Variants in TMC1 observed in about 807,000 individuals in gnomAD.
TMC1 encodes the protein transmembrane channel like 1.
Under a neutral mutation model 105.8 loss-of-function variants are expected in TMC1, and 84 were observed. That is an observed-to-expected ratio of 0.79 (90% confidence interval 0.67 to 0.95). The LOEUF (loss-of-function observed/expected upper bound fraction) is 0.95, where lower values mean the gene tolerates loss of function less well. Ranked by LOEUF, TMC1 falls within the 40% of genes least tolerant of loss-of-function variation. The pLI, the probability that TMC1 is intolerant of heterozygous loss-of-function variation, is 0.00. For missense variants in TMC1, 817 were observed against 914.1 expected, an observed-to-expected ratio of 0.89 and a Z score of 1.37; for synonymous variants, 315 against 311.5, an observed-to-expected ratio of 1.01 and a Z score of -0.12.
At chr9:72,770,271 C>A (rs1827903553) in intron 12 of TMC1, among the ~76,000 whole-genome samples, 1 of 149,762 alleles carries the variant, frequency 6.7e-6, no homozygotes. Flanking sequence ...TGTATACACA[C>A]ATACACACAT....
chr9:72,791,849 A>AC, intron 15 of TMC1, 37 bp from the exon 16 acceptor site: 1 of 1,574,682 alleles, frequency 6.4e-7, no homozygotes, highest in Non-Finnish European at 8.7e-7. Flanking sequence ...AACTTTAAAC[A>AC]CCATTAACCT....
intron 1 of TMC1, among the ~76,000 whole-genome samples, chr9:72,548,186 A>T (rs1339079180): frequency 6.6e-6 from 1 of 152,192 alleles, no homozygotes; most frequent in Non-Finnish European, 1.5e-5. Flanking sequence ...GATAAATTGG[A>T]ATTCTTCAAA....
chr9:72,609,061 C>T (rs1173452924), intron 2 of TMC1, among the ~76,000 whole-genome samples: 1 of 152,006 alleles, frequency 6.6e-6, no homozygotes, highest in African/African-American at 2.4e-5. Context: ...CCCTTACTCC[C>T]CTCCTCTTTT....
intron 9 of TMC1, among the ~76,000 whole-genome samples, chr9:72,740,887 G>A (rs1190456261): frequency 6.6e-6 from 1 of 151,814 alleles, no homozygotes. Flanking sequence ...GATTAATTTT[G>A]TCTGTTTCTA....
At chr9:72,700,428 ATGAGCTAAATATCT>A in intron 7 of TMC1, 76 bp from the exon 8 acceptor site, 1 of 1,136,828 alleles carries the variant, frequency 8.8e-7, no homozygotes, top group Non-Finnish European at 1.2e-6. Flanking sequence ...TTTAAAAAAA[ATGAGCTAAATATCT>A]GATACCTGCC....
intron 1 of TMC1, among the ~76,000 whole-genome samples, chr9:72,537,092 C>CA (rs1279701350): frequency 1.3e-5 from 2 of 152,186 alleles, no homozygotes; most frequent in African/African-American, 4.8e-5. Context: ...GTGGCTCAAA[C>CA]AGTACCTGGG....
rs374836637 is a variant in TMC1 at position 72,699,310 on chromosome 9, T to C, written c.237-1208T>C. ...GGAACTAAATTCCTTTGAAGATCTC[T>C]TCAAAGGATTCACTTCCACCAAATA... On this transcript the variant is annotated intron_variant, in intron 7 of 23. Coordinates refer to ENST00000297784, the MANE Select transcript of TMC1 (RefSeq NM_138691.3). 2.6e-5 allele frequency among the ~76,000 whole-genome samples: 4 copies of C among 152,310 alleles called. No homozygotes were observed. In the East Asian group the frequency reaches 7.7e-4, roughly 29 times the overall value.
intron 5 of TMC1, among the ~76,000 whole-genome samples, chr9:72,658,411 A>C (rs1411926887): frequency 6.6e-6 from 1 of 152,036 alleles, no homozygotes; most frequent in Non-Finnish European, 1.5e-5. Flanking sequence ...CATCTACAAA[A>C]TGGAGATAAT....
intron 2 of TMC1, among the ~76,000 whole-genome samples, chr9:72,613,251 C>T (rs545026434): frequency 1.1e-3 from 173 of 151,876 alleles, no homozygotes; most frequent in African/African-American, 4.1e-3. Context: ...CCTGCCTCAG[C>T]CTCCTGAGTA....
At chr9:72,826,848 C>A in intron 20 of TMC1, 21 bp from the exon 21 acceptor site, 1 of 1,613,290 alleles carries the variant, frequency 6.2e-7, no homozygotes, top group Non-Finnish European at 8.5e-7. Flanking sequence ...AAACTTATCT[C>A]CCCCTTTTTA....
In TMC1 at chr9:72,525,952, C is replaced by T. The variant is rs140237334; in HGVS notation, c.-428+4039C>T. On this transcript the variant is annotated intron_variant, in intron 1 of 23. Coordinates refer to ENST00000297784, the MANE Select transcript of TMC1 (RefSeq NM_138691.3). ...GCAGTGAGCCAAGGTCGTGCCACTG[C>T]ACTCCAGCCTGGATGACAGAGTGAG... Among the ~76,000 whole-genome samples the T allele has an allele frequency of 7.5e-3, 1,127 of 150,734 alleles. 14 individuals are homozygous for T. Among genetic ancestry groups the T allele is most frequent in the African/African-American group, 0.026 (1,065 of 40,944 alleles).
chr9:72,768,718 T>C (rs1827877515), intron 12 of TMC1, among the ~76,000 whole-genome samples: 1 of 152,196 alleles, frequency 6.6e-6, no homozygotes, highest in Non-Finnish European at 1.5e-5. Flanking sequence ...GAATGGTACC[T>C]ATGCCAGATG....
chr9:72,624,518 C>T (rs1344685670), intron 3 of TMC1, among the ~76,000 whole-genome samples: 1 of 152,206 alleles, frequency 6.6e-6, no homozygotes, highest in African/African-American at 2.4e-5. Context: ...TCTTTTCTTC[C>T]ATATGAAATG....
chr9:72,597,702 C>G (rs1410451030), intron 2 of TMC1, among the ~76,000 whole-genome samples: 1 of 152,196 alleles, frequency 6.6e-6, no homozygotes, highest in African/African-American at 2.4e-5. Context: ...TGTATGTGTT[C>G]TCTTTGGCTC....
At chr9:72,734,136 A>G (rs1475929715) in intron 8 of TMC1, among the ~76,000 whole-genome samples, 2 of 152,234 alleles carry the variant, frequency 1.3e-5, no homozygotes, top group Non-Finnish European at 2.9e-5. Flanking sequence ...ATGAGATTTC[A>G]TCATGCTACT....
chr9:72,822,064 A>G (rs1029189737), intron 20 of TMC1, among the ~76,000 whole-genome samples: 3 of 152,180 alleles, frequency 2.0e-5, no homozygotes, highest in African/African-American at 7.2e-5. Flanking sequence ...TCTATGACAG[A>G]GCTCTCTTCT....
intron 19 of TMC1, 55 bp downstream of exon 19, chr9:72,816,265 T>C (rs933573187): frequency 2.6e-6 from 4 of 1,524,464 alleles, no homozygotes; most frequent in African/African-American, 1.4e-5. Context: ...CAGGTTATTT[T>C]TGCATACAGC....
chr9:72,733,191 G>A (rs950678765), intron 8 of TMC1, among the ~76,000 whole-genome samples: 10 of 151,702 alleles, frequency 6.6e-5, no homozygotes, highest in African/African-American at 2.4e-4. Context: ...CTTCTGCTTG[G>A]AGAGAAAGAG....
chr9:72,609,640 T>C (rs561925087), intron 2 of TMC1, among the ~76,000 whole-genome samples: 23 of 152,310 alleles, frequency 1.5e-4, no homozygotes, highest in Admixed American at 3.3e-4. Flanking sequence ...AAACTCTTTT[T>C]AATAGGTAGG....
Sources: allele counts gnomAD v4.1 joint callset (sites outside exome capture counted in the v4.1 genomes callset), GRCh38; gene constraint gnomAD v4.1.1; transcripts MANE v1.5; gene names NCBI Gene and HGNC (gene_info 2026-07-23, HGNC 2026-07-21).